The following TMEM67 variants were observed in gnomAD, a reference collection of about 807,000 sequenced individuals.
TMEM67 encodes the protein transmembrane protein 67.
Under a neutral mutation model 136.6 loss-of-function variants are expected in TMEM67, and 124 were observed. The ratio of observed to expected loss-of-function variants is 0.91; its 90% CI spans 0.78 to 1.05. The LOEUF (loss-of-function observed/expected upper bound fraction) is 1.05. Among genes scored for constraint, TMEM67 ranks in the 50% least tolerant of loss-of-function variants. TMEM67 has a pLI of 0.00. For missense variants in TMEM67, 1,107 were observed against 1,178.4 expected (o/e 0.94, Z 0.89); for synonymous variants, 364 against 390.5 (o/e 0.93, Z 0.80).
At chr8:93,829,263 G>C in the TMEM67 span, among the ~76,000 whole-genome samples, 4 of 152,080 alleles carry the variant, frequency 2.6e-5, no homozygotes, top group Non-Finnish European at 5.9e-5. Flanking sequence ...TTCCTGTAAG[G>C]ATTTGTCACC....
intron 22 of TMEM67, among the ~76,000 whole-genome samples, 179 bp from the exon 23 acceptor site, chr8:93,804,583 T>TAAA (rs200637561): frequency 7.3e-6 from 1 of 137,794 alleles, no homozygotes; most frequent in Admixed American, 7.3e-5. Context: ...TTCAAACATT[T>TAAA]AAAAAAAAAA....
intron 26 of TMEM67, among the ~76,000 whole-genome samples, chr8:93,810,692 A>G (rs539614487): frequency 1.3e-5 from 2 of 152,330 alleles, no homozygotes; most frequent in South Asian, 4.1e-4. Flanking sequence ...GGAAACAAAT[A>G]CATACAAGAT....
intron 20 of TMEM67, among the ~76,000 whole-genome samples, chr8:93,797,714 G>T (rs992590451): frequency 5.9e-5 from 9 of 152,166 alleles, no homozygotes; most frequent in African/African-American, 2.2e-4. Context: ...AGGCACAGTG[G>T]CTCATGCCTG....
intron 6 of TMEM67, among the ~76,000 whole-genome samples, chr8:93,771,673 A>T (rs565779956): frequency 2.0e-5 from 3 of 152,338 alleles, no homozygotes; most frequent in African/African-American, 7.2e-5. Flanking sequence ...ATATTGCTTT[A>T]TAAAAGTATC....
In TMEM67 at chr8:93,786,236, A is replaced by C; in HGVS notation, c.1302A>C (p.Gly434=). ...TTATAATAAAAGACAGCAACTCTGG[A>C]AAGTGGCTTCTAACTCGGCGCATTT... ...KIFVNQDSNS[G]KWLLTRRIFL... is the part of the protein sequence containing the mutation. Residue 434 remains glycine, a synonymous_variant, in exon 13 of 28, where the codon GGA becomes GGC. Transcript: ENST00000453321. 1 of 1,614,040 alleles carries C rather than the reference A, an allele frequency of 6.2e-7. No individual in the cohort carries two copies. Among genetic ancestry groups the C allele is most frequent in the Non-Finnish European group, 8.5e-7 (1 of 1,179,976 alleles).
intron 15 of TMEM67, among the ~76,000 whole-genome samples, chr8:93,792,898 C>G (rs1369702777): frequency 6.6e-6 from 1 of 151,616 alleles, no homozygotes; most frequent in Non-Finnish European, 1.5e-5. Flanking sequence ...TCAGCCTCCC[C>G]AGTAGCTGGG....
intron 14 of TMEM67, among the ~76,000 whole-genome samples, chr8:93,788,221 C>T (rs1586054591): frequency 1.3e-5 from 2 of 152,126 alleles, no homozygotes; most frequent in South Asian, 4.1e-4. Flanking sequence ...CTGGGATATG[C>T]TGAGATGTTC....
intron 11 of TMEM67, 31 bp from the exon 12 acceptor site, chr8:93,785,191 A>G (rs2130685692): frequency 3.0e-6 from 4 of 1,337,538 alleles, no homozygotes; most frequent in Middle Eastern, 1.9e-4. Flanking sequence ...TTGCTGTTTT[A>G]TGTGCTTTTA....
At chr8:93,826,668 A>G in the TMEM67 span, among the ~76,000 whole-genome samples, 1 of 152,156 alleles carries the variant, frequency 6.6e-6, no homozygotes, top group Non-Finnish European at 1.5e-5. Flanking sequence ...TATAAGCCCA[A>G]TGATCTCTAA....
At chr8:93,795,360 T>C (rs1228557613) in intron 16 of TMEM67, 49 bp from the exon 17 acceptor site, 3 of 1,417,618 alleles carry the variant, frequency 2.1e-6, no homozygotes, top group Non-Finnish European at 3.0e-6. Flanking sequence ...CTAAAAGTGG[T>C]ATATACATGG....
intron 26 of TMEM67, among the ~76,000 whole-genome samples, chr8:93,814,322 G>A (rs1808817565): frequency 6.6e-6 from 1 of 151,404 alleles, no homozygotes; most frequent in African/African-American, 2.4e-5. Context: ...TGTATTTTTA[G>A]TGGAGACGGG....
intron 26 of TMEM67, among the ~76,000 whole-genome samples, chr8:93,813,475 G>C (rs1373599862): frequency 1.3e-5 from 2 of 152,186 alleles, no homozygotes; most frequent in South Asian, 4.1e-4. Context: ...CACTGTGCCC[G>C]ATCTCACTAC....
chr8:93,816,523 T>A lies in TMEM67; in HGVS notation c.*71T>A, dbSNP rs1345263572. 1.2e-6 allele frequency: 1 copy of A among 839,790 alleles called. No homozygotes were observed. The highest frequency in any genetic ancestry group is 2.4e-5 in the East Asian group (1 of 40,836). The allele number at this position is 839,790 out of a possible 1,614,324, so 52.0% of individuals were successfully genotyped here. On this transcript the variant is annotated 3_prime_UTR_variant, in exon 28 of 28. Coordinates refer to ENST00000453321, the MANE Select transcript of TMEM67 (RefSeq NM_153704.6). ...AAAAAGTCATGATATCAGGTTAGTT[T>A]GCCATATTTTTTAAAACTTATAATG...
chr8:93,764,184 C>G (rs559509092), intron 4 of TMEM67, among the ~76,000 whole-genome samples: 1 of 152,196 alleles, frequency 6.6e-6, no homozygotes, highest in African/African-American at 2.4e-5. Context: ...AATCCCTTGT[C>G]TTTAGAATGG....
intron 20 of TMEM67, among the ~76,000 whole-genome samples, chr8:93,798,915 T>G (rs972974389): frequency 4.0e-5 from 6 of 151,198 alleles, no homozygotes; most frequent in Non-Finnish European, 5.9e-5. Context: ...ATCTGTTACC[T>G]CACATCTTTT....
chr8:93,754,886 G>T (rs1369659041), upstream of TMEM67: 1 of 1,605,564 alleles, frequency 6.2e-7, no homozygotes, highest in East Asian at 2.2e-5. Flanking sequence ...TGGGGGGCTG[G>T]AGGCTGTGAG....
intron 23 of TMEM67, among the ~76,000 whole-genome samples, chr8:93,806,536 C>G (rs182172006): frequency 6.6e-6 from 1 of 152,164 alleles, no homozygotes; most frequent in East Asian, 1.9e-4. Context: ...TTACTATTCT[C>G]TCTACTATGT....
chr8:93,803,062 GT>G (rs1814936719), intron 21 of TMEM67, among the ~76,000 whole-genome samples: 1 of 152,114 alleles, frequency 6.6e-6, no homozygotes, highest in Non-Finnish European at 1.5e-5. Context: ...CTAAAAAGAT[GT>G]ACCATGTAAA....
intron 3 of TMEM67, among the ~76,000 whole-genome samples, chr8:93,761,671 C>T (rs1387761230): frequency 1.3e-5 from 2 of 152,136 alleles, no homozygotes; most frequent in African/African-American, 4.8e-5. Flanking sequence ...GGCAGTTCTA[C>T]ACATAGTGCT....
Sources: allele counts gnomAD v4.1 joint callset (sites outside exome capture counted in the v4.1 genomes callset), GRCh38; gene constraint gnomAD v4.1.1; transcripts MANE v1.5; gene names NCBI Gene and HGNC (gene_info 2026-07-23, HGNC 2026-07-21).